Variants in YLPM1 observed in about 807,000 individuals in gnomAD.
YLPM1 encodes YLP motif containing 1.
In YLPM1, 99 loss-of-function variants were observed where a neutral mutation model predicts 230.0. The observed-to-expected ratio is 0.43, with a 90% CI of 0.37 to 0.51. The LOEUF (loss-of-function observed/expected upper bound fraction) is 0.51, where lower values mean the gene tolerates loss of function less well. Ranked by LOEUF, YLPM1 falls within the 20% of genes least tolerant of loss-of-function variation. The pLI is 0.00. For synonymous variants in YLPM1, 984 were observed against 942.5 expected, an observed-to-expected ratio of 1.04 and a Z score of -0.81; for missense variants, 2,592 against 2,707.7, an observed-to-expected ratio of 0.96 and a Z score of 0.95.
chr14:74,809,236 T>C (rs1370438675), intron 6 of YLPM1, 144 bp from the exon 7 acceptor site: 1 of 1,052,884 alleles, frequency 9.5e-7, no homozygotes, highest in South Asian at 2.2e-5. Context: ...TTTTTTTTGA[T>C]GGTATGTTTT....
intron 20 of YLPM1, 89 bp downstream of exon 20, chr14:74,835,536 C>A: frequency 8.7e-7 from 1 of 1,154,862 alleles, no homozygotes; most frequent in Non-Finnish European, 1.2e-6. Flanking sequence ...GCTAAAAATG[C>A]TCTCTTCTTG....
intron 6 of YLPM1, among the ~76,000 whole-genome samples, chr14:74,803,514 G>C (rs2091348234): frequency 6.6e-6 from 1 of 152,120 alleles, no homozygotes; most frequent in Non-Finnish European, 1.5e-5. Context: ...AGACATAGTT[G>C]TTGACATCAG....
Position 74,781,476 on chromosome 14 carries a change from A to G in YLPM1, c.1433A>G (p.Tyr478Cys). The G allele has an allele frequency of 6.2e-7, 1 of 1,613,628 alleles. No individual in the cohort carries two copies. ...CCTCATAAAGATCAGCTTCAGGAGT[A>G]TGAGAAGCAGTGGAAAACATGGCAG... is the stretch of plus-strand genomic sequence containing the variant. Reference protein sequence around the residue: ...SYPHKDQLQEYEKQWKTWQGH... With the variant: ...SYPHKDQLQECEKQWKTWQGH... Residue 478 changes from tyrosine (Y) to cysteine (C), a missense_variant, in exon 4 of 21, where the codon TAT (tyrosine) becomes TGT (cysteine). Physicochemically the swap from Tyr to Cys is radical, Grantham distance 194. Around this residue, in one of 4 missense-constraint regions of YLPM1, gnomAD observed 1,862 missense variants for 1,819.8 expected, o/e 1.02. Coordinates refer to ENST00000325680, the MANE Select transcript of YLPM1 (RefSeq NM_019589.3).
intron 1 of YLPM1, among the ~76,000 whole-genome samples, chr14:74,772,925 T>C (rs921019011): frequency 6.6e-6 from 1 of 152,192 alleles, no homozygotes; most frequent in Non-Finnish European, 1.5e-5. Flanking sequence ...TTCAAAAATG[T>C]GCTGAAGCCT....
intron 5 of YLPM1, among the ~76,000 whole-genome samples, chr14:74,801,777 T>C (rs1010522561): frequency 6.6e-6 from 1 of 152,214 alleles, no homozygotes; most frequent in Non-Finnish European, 1.5e-5. Flanking sequence ...TCTTTAAGAT[T>C]TGAATTTATA....
intron 1 of YLPM1, among the ~76,000 whole-genome samples, chr14:74,772,405 A>G (rs1278389481): frequency 1.3e-5 from 2 of 150,384 alleles, no homozygotes; most frequent in Non-Finnish European, 3.0e-5. Flanking sequence ...ACCCAGGCTG[A>G]AGTGCAGTGG....
chr14:74,797,914 C>T lies in YLPM1; in HGVS notation c.2617C>T (p.Gln873Ter), dbSNP rs764652921. The change falls in exon 5 of 21, where the codon CAG (glutamine) becomes TAG (stop). Residue 873 changes from glutamine to a stop codon, truncating the protein, a stop_gained. Coordinates refer to ENST00000325680, the MANE Select transcript of YLPM1 (RefSeq NM_019589.3). LOFTEE classifies it high-confidence loss of function. ...ACCATTAGCAGACACCAGTAGTAAC[C>T]AGCAGAAGAATTTTAAAATGCAATC... ...KEPLADTSSN[Q>*]QKNFKMQSAA... 1 of 1,613,942 alleles carries T rather than the reference C, an allele frequency of 6.2e-7. No individual in the cohort carries two copies. Among genetic ancestry groups the T allele is most frequent in the Non-Finnish European group, 8.5e-7 (1 of 1,179,876 alleles).
chr14:74,771,540 G>A (rs1184073690), intron 1 of YLPM1, among the ~76,000 whole-genome samples: 1 of 152,234 alleles, frequency 6.6e-6, no homozygotes, highest in African/African-American at 2.4e-5. Context: ...AATCAAGATA[G>A]TGGATAGTGC....
At chr14:74,766,297 A>G (rs1305815903) in intron 1 of YLPM1, among the ~76,000 whole-genome samples, 1 of 152,112 alleles carries the variant, frequency 6.6e-6, no homozygotes, top group African/African-American at 2.4e-5. Context: ...ATCCTTCTAC[A>G]TATTTATTAT....
At chr14:74,834,175 T>A (rs1313677840) in intron 19 of YLPM1, among the ~76,000 whole-genome samples, 1 of 142,992 alleles carries the variant, frequency 7.0e-6, no homozygotes, top group African/African-American at 2.7e-5. Flanking sequence ...ATAGTGAGAC[T>A]CTGACTCTAA....
chr14:74,815,395 C>T (rs2091469663), intron 11 of YLPM1, among the ~76,000 whole-genome samples: 2 of 151,988 alleles, frequency 1.3e-5, no homozygotes, highest in Non-Finnish European at 2.9e-5. Flanking sequence ...AACCCCATCT[C>T]TACTAAAAAC....
rs906095879 is a variant in YLPM1, at chr14:74,778,642, A to G, written c.1069A>G (p.Asn357Asp). 1.0e-5 allele frequency: 16 copies of G among 1,586,644 alleles called. No individual in the cohort carries two copies. Among genetic ancestry groups the G allele is most frequent in the African/African-American group, 1.4e-5 (1 of 73,984 alleles). Residue 357 changes from asparagine to aspartate, a missense_variant, in exon 2 of 21, where the codon AAT becomes GAT. Asn to Asp is a conservative substitution (Grantham distance 23, BLOSUM62 1). Coordinates refer to ENST00000325680, the MANE Select transcript of YLPM1 (RefSeq NM_019589.3). ...TGAGGAGCCCCCATTGCCACCTCCA[A>G]ATGAGGAAGTGCCACCTCCTCTCCC... is the stretch of plus-strand genomic sequence containing the variant. Reference protein sequence around the residue: ...SSEEPPLPPPNEEVPPPLPPE... With the variant: ...SSEEPPLPPPDEEVPPPLPPE...
chr14:74,768,605 G>A (rs2090938234), intron 1 of YLPM1, among the ~76,000 whole-genome samples: 2 of 152,178 alleles, frequency 1.3e-5, no homozygotes, highest in Non-Finnish European at 2.9e-5. Flanking sequence ...GATTTATTTA[G>A]TTAAAGCTGT....
rs2091282546 is a variant in YLPM1 at position 74,798,122 on chromosome 14, C to T, written c.2825C>T (p.Thr942Ile). The T allele has an allele frequency of 6.2e-7, 1 of 1,613,970 alleles. No individual in the cohort carries two copies. Among genetic ancestry groups the T allele is most frequent in the East Asian group, 2.2e-5 (1 of 44,878 alleles). The change falls in exon 5 of 21, where the codon ACT becomes ATT. Residue 942 changes from threonine (T) to isoleucine (I), a missense_variant. Physicochemically the swap from Thr to Ile is moderately conservative, Grantham distance 89 (BLOSUM62 -1). This residue lies in a region of YLPM1 where 1,862 missense variants were observed against 1,819.8 expected (regional missense o/e 1.02). Transcript: ENST00000325680. The stretch of plus-strand genomic sequence containing the variant: ...CAAATCGACAAAGCCCAAGCTGTTA[C>T]TCAGCCTGTACCCCTTGCGAATAAG... Reference protein sequence around the residue: ...ETQIDKAQAVTQPVPLANKPV... With the variant: ...ETQIDKAQAVIQPVPLANKPV...
At chr14:74,795,718 C>A (rs373734282) in intron 4 of YLPM1, among the ~76,000 whole-genome samples, 30 of 152,308 alleles carry the variant, frequency 2.0e-4, no homozygotes, top group Middle Eastern at 3.4e-3. Flanking sequence ...TCTGCTAAAG[C>A]AATCTTTTAA....
chr14:74,830,824 C>T (rs1256912578), intron 19 of YLPM1, among the ~76,000 whole-genome samples: 2 of 152,208 alleles, frequency 1.3e-5, no homozygotes, highest in Non-Finnish European at 2.9e-5. Flanking sequence ...TGAACTCGCT[C>T]ATTACCGTCA....
chr14:74,816,670 GGAAA>G lies in YLPM1; in HGVS notation c.5671_5674del (p.Lys1891Ter). 1 of 1,612,816 alleles carries G rather than the reference GGAAA, an allele frequency of 6.2e-7. No homozygotes were observed. Among genetic ancestry groups the G allele is most frequent in the Non-Finnish European group, 8.5e-7 (1 of 1,179,452 alleles). On this transcript the variant is annotated frameshift_variant, in exon 13 of 21. Coordinates refer to ENST00000325680, the MANE Select transcript of YLPM1 (RefSeq NM_019589.3). LOFTEE classifies it high-confidence loss of function. ...AAAAGAAGAAAAAGATCCAGATTCT[GGAAA>G]GAAAGTGAAAAAGAAGGTATGGTAT...
intron 1 of YLPM1, among the ~76,000 whole-genome samples, chr14:74,765,559 C>G (rs774283522): frequency 3.9e-5 from 6 of 152,148 alleles, no homozygotes; most frequent in Non-Finnish European, 5.9e-5. Flanking sequence ...CCAGATTGCT[C>G]TATTATAGAG....
intron 5 of YLPM1, 60 bp from the exon 6 acceptor site, chr14:74,802,496 A>T (rs2091337771): frequency 6.6e-7 from 1 of 1,519,178 alleles, no homozygotes; most frequent in Non-Finnish European, 8.8e-7. Flanking sequence ...TATTAATTGT[A>T]GTCACTTAGG....
Sources: gnomAD v4.1 joint callset for allele counts (sites outside exome capture counted in the v4.1 genomes callset) on GRCh38, gnomAD v4.1.1 for gene constraint, gnomAD v4.1.1 regional missense constraint, MANE v1.5 for transcripts, NCBI Gene and HGNC (gene_info 2026-07-23, HGNC 2026-07-21) for gene names.